OR10D3: variants seen among roughly 807,000 people sequenced by gnomAD.
OR10D3 encodes olfactory receptor 10D3.
For missense variants in OR10D3, 286 were observed against 153.7 expected (o/e 1.86, Z -4.55); for synonymous variants, 100 against 57.6 (o/e 1.74, Z -3.33).
chr11:124,185,522 C>T, exon 2 of OR10D3: 1 of 703,370 alleles, frequency 1.4e-6, no homozygotes, highest in Non-Finnish European at 2.6e-6. Flanking sequence ...GCTGCTCTAC[C>T]TTATGGGGCT....
chr11:124,185,063 T>C (rs1046653808), intron 1 of OR10D3, among the ~76,000 whole-genome samples, 196 bp from the exon 2 acceptor site: 1 of 152,230 alleles, frequency 6.6e-6, no homozygotes, highest in Non-Finnish European at 1.5e-5. Context: ...AAATATTTGC[T>C]ACAGAAATGT....
chr11:124,186,634 A>G (rs915916762), exon 2 of OR10D3: 2 of 153,562 alleles, frequency 1.3e-5, no homozygotes, highest in African/African-American at 4.8e-5. Flanking sequence ...AATTTTAAAA[A>G]TATATTAACA....
Position 124,184,515 on chromosome 11 carries a change from G to A in OR10D3, c.-11-744G>A, listed in dbSNP as rs569142716. On this transcript the variant is annotated intron_variant, in intron 1 of 1. Transcript: ENST00000641351. ...CCAAATGAAAAACATGGTTAATACC[G>A]GGGTAAGATTTGACAAGGCCAGTAA... is the stretch of plus-strand genomic sequence containing the variant. Among the ~76,000 whole-genome samples, 36 of 152,148 alleles carry A rather than the reference G, an allele frequency of 2.4e-4. No individual in the cohort carries two copies. In the South Asian group the frequency reaches 5.8e-3, roughly 25 times the overall value.
At chr11:124,185,050 C>G (rs111354332) in intron 1 of OR10D3, among the ~76,000 whole-genome samples, 108 of 152,284 alleles carry the variant, frequency 7.1e-4, no homozygotes, top group African/African-American at 2.5e-3. Context: ...ATAAGTATAA[C>G]AAAAATATTT....
chr11:124,187,743 C>T (rs1408083712), exon 2 of OR10D3: 1 of 152,192 alleles, frequency 6.6e-6, no homozygotes, highest in Non-Finnish European at 1.5e-5. Flanking sequence ...CCTCTTCACT[C>T]ATTTGTGCCT....
chr11:124,187,426 T>A (rs2137700744), exon 2 of OR10D3: 1 of 152,346 alleles, frequency 6.6e-6, no homozygotes, highest in South Asian at 2.1e-4. Flanking sequence ...GTGGAGCCAC[T>A]GATTAGATCT....
chr11:124,185,772 A>G (rs749096070), exon 2 of OR10D3: 66 of 703,536 alleles, frequency 9.4e-5, no homozygotes, highest in Non-Finnish European at 1.5e-4. Context: ...ACCTTGCCAT[A>G]CTGTGGTCCC....
chr11:124,187,937 C>T (rs903435872), exon 2 of OR10D3: 3 of 152,166 alleles, frequency 2.0e-5, no homozygotes, highest in Admixed American at 1.3e-4. Context: ...AAGGCTTTTA[C>T]GCTTAAACAC....
chr11:124,187,741 C>T (rs1861242507), exon 2 of OR10D3: 1 of 152,200 alleles, frequency 6.6e-6, no homozygotes, highest in Non-Finnish European at 1.5e-5. Flanking sequence ...AGCCTCTTCA[C>T]TCATTTGTGC....
At chr11:124,188,329 A>T (rs1162996987) in exon 2 of OR10D3, 1 of 152,242 alleles carries the variant, frequency 6.6e-6, no homozygotes, top group African/African-American at 2.4e-5. Context: ...AGGCACTGGA[A>T]TCTTTGTATC....
chr11:124,186,216 A>G, exon 2 of OR10D3: 1 of 688,356 alleles, frequency 1.5e-6, no homozygotes, highest in Non-Finnish European at 2.7e-6. Context: ...TAGTAAGAGC[A>G]GATAAATGGG....
chr11:124,183,673 T>G (rs1213180001), intron 1 of OR10D3, among the ~76,000 whole-genome samples: 1 of 150,774 alleles, frequency 6.6e-6, no homozygotes, highest in Non-Finnish European at 1.5e-5. Flanking sequence ...TTCTCCTGCC[T>G]TAGTCTCCAG....
intron 1 of OR10D3, among the ~76,000 whole-genome samples, chr11:124,184,848 C>A (rs1305654994): frequency 5.9e-5 from 9 of 152,090 alleles, no homozygotes. Flanking sequence ...TAATGGCTTA[C>A]AAATATGATG....
chr11:124,184,057 T>G (rs1221340116), intron 1 of OR10D3, among the ~76,000 whole-genome samples: 1 of 152,244 alleles, frequency 6.6e-6, no homozygotes, highest in Admixed American at 6.5e-5. Context: ...AGATTATATG[T>G]AGCACTTGTC....
exon 2 of OR10D3, chr11:124,186,537 T>C (rs1161131366): frequency 5.5e-6 from 1 of 181,672 alleles, no homozygotes; most frequent in Non-Finnish European, 1.1e-5. Flanking sequence ...CTCAATTTAC[T>C]CCCCTCATAC....
At chr11:124,185,590 C>T (rs527712132) in exon 2 of OR10D3, 29 of 703,542 alleles carry the variant, frequency 4.1e-5, no homozygotes, top group Non-Finnish European at 6.2e-5. Context: ...TCCATTTCCT[C>T]GGGAGCATTG....
At chr11:124,185,568 A>G in exon 2 of OR10D3, 1 of 703,508 alleles carries the variant, frequency 1.4e-6, no homozygotes, top group Non-Finnish European at 2.6e-6. Flanking sequence ...TGTGTCTGCC[A>G]GCTTTTCTTC....
At chr11:124,186,122 C>A in exon 2 of OR10D3, 1 of 703,036 alleles carries the variant, frequency 1.4e-6, no homozygotes, top group Non-Finnish European at 2.6e-6. Flanking sequence ...AATGCTGAAC[C>A]CTTTGATCTA....
exon 2 of OR10D3, chr11:124,188,240 A>G (rs1421417877): frequency 6.6e-6 from 1 of 152,326 alleles, no homozygotes; most frequent in Non-Finnish European, 1.5e-5. Context: ...AGACTCAAAA[A>G]AGAAGGGCCA....
Sources: allele counts gnomAD v4.1 joint callset (sites outside exome capture counted in the v4.1 genomes callset), GRCh38; gene constraint gnomAD v4.1.1; transcripts MANE v1.5; gene names NCBI Gene and HGNC (gene_info 2026-07-23, HGNC 2026-07-21).